Variants in SRGAP2B observed in about 807,000 individuals in gnomAD.
SRGAP2B encodes SLIT-ROBO Rho GTPase-activating protein 2B.
A neutral mutation model predicts 22.2 loss-of-function variants in SRGAP2B; 9 were observed. The ratio of observed to expected loss-of-function variants is 0.41; its 90% confidence interval spans 0.24 to 0.71. SRGAP2B has a LOEUF of 0.71. SRGAP2B is among the 30% of genes least tolerant of loss of function. The pLI is 0.35. For missense variants in SRGAP2B, 114 were observed against 235.8 expected (o/e 0.48, Z 3.38); for synonymous variants, 36 against 87.4 (o/e 0.41, Z 3.28).
At chr1:144,985,871 AAAG>A (rs1322717190) in intron 3 of SRGAP2B, among the ~76,000 whole-genome samples, 3 of 148,896 alleles carry the variant, frequency 2.0e-5, no homozygotes, top group Non-Finnish European at 3.0e-5. Context: ...GGGGAAGGAG[AAAG>A]AAGGAGAGGG....
chr1:145,006,215 A>G (rs1207135993), intron 2 of SRGAP2B, among the ~76,000 whole-genome samples: 2 of 151,024 alleles, frequency 1.3e-5, no homozygotes, highest in East Asian at 1.9e-4. Context: ...GGAGGCTTCA[A>G]GAATCAAACT....
intron 5 of SRGAP2B, among the ~76,000 whole-genome samples, chr1:144,909,516 G>A (rs1355368902): frequency 6.9e-6 from 1 of 145,010 alleles, no homozygotes; most frequent in Admixed American, 6.8e-5. Context: ...GAACCTGGGA[G>A]GTGGAGCTTG....
intron 5 of SRGAP2B, among the ~76,000 whole-genome samples, chr1:144,910,198 A>G (rs1488684671): frequency 1.4e-5 from 2 of 148,128 alleles, no homozygotes; most frequent in Non-Finnish European, 3.0e-5. Flanking sequence ...AGAGAACAAG[A>G]AAAGAGTTCT....
intron 5 of SRGAP2B, among the ~76,000 whole-genome samples, chr1:144,909,235 G>T (rs1207421702): frequency 6.7e-6 from 1 of 148,796 alleles, no homozygotes; most frequent in Admixed American, 6.7e-5. Context: ...GAAGCCCGAA[G>T]AGAAATAAGT....
At chr1:144,995,236 A>C (rs6600696) in intron 2 of SRGAP2B, 36 bp from the exon 3 acceptor site, 2 of 598,950 alleles carry the variant, frequency 3.3e-6, no homozygotes, top group African/African-American at 5.5e-5. Flanking sequence ...TCAGAAAGAC[A>C]GCCCTAAATA....
At chr1:144,888,793 G>A (rs1275112935) in exon 10 of SRGAP2B, 1 of 81,010 alleles carries the variant, frequency 1.2e-5, no homozygotes, top group African/African-American at 6.1e-5. Context: ...GCGCCACCAC[G>A]CCCAGCTAAT....
At chr1:145,075,783 T>C (rs1231752471) in intron 2 of SRGAP2B, among the ~76,000 whole-genome samples, 3 of 147,624 alleles carry the variant, frequency 2.0e-5, no homozygotes, top group South Asian at 4.3e-4. Context: ...TGTCTCTAGA[T>C]TGCAATTTAA....
rs1325483674 is a variant in SRGAP2B, at chr1:144,957,254, G to A, written c.261-1653C>T. Among the ~76,000 whole-genome samples the A allele has an allele frequency of 8.0e-5, 12 of 150,650 alleles. 1 individual carries two copies. Among genetic ancestry groups the A allele is most frequent in the Admixed American group, 4.0e-4 (6 of 15,154 alleles). On this transcript the variant is annotated intron_variant, in intron 3 of 9. Coordinates refer to ENST00000612199, the Ensembl canonical transcript of SRGAP2B. ...GCCTCCATTCAGCACTAAAGACCAG[G>A]CACTTGTGATTTGTAAACCATGAAG...
chr1:144,992,250 C>T lies in SRGAP2B; in HGVS notation c.260+2758G>A, dbSNP rs1393832655. On this transcript the variant is annotated intron_variant, in intron 3 of 9. Transcript: ENST00000612199. Reference sequence around the variant, plus strand: ...GAAGGGACAGACTCCAGACACACCACCTTAAGAGCTGTAACACTCACCGCG... The same window carrying T: ...GAAGGGACAGACTCCAGACACACCATCTTAAGAGCTGTAACACTCACCGCG... Among the ~76,000 whole-genome samples, 30 of 150,866 alleles carry T rather than the reference C, an allele frequency of 2.0e-4. 4 individuals are homozygous for T. Among genetic ancestry groups the T allele is most frequent in the African/African-American group, 6.7e-4 (27 of 40,330 alleles).
intron 5 of SRGAP2B, 129 bp from the exon 6 acceptor site, chr1:144,906,203 ATCC>A (rs1662982401): frequency 1.7e-6 from 1 of 597,386 alleles, no homozygotes; most frequent in East Asian, 2.8e-5. Context: ...TAAGGGAAAA[ATCC>A]AGAAGTGTTT....
chr1:144,955,178 A>G (rs1316551836), intron 4 of SRGAP2B, among the ~76,000 whole-genome samples: 20 of 150,536 alleles, frequency 1.3e-4, no homozygotes, highest in Non-Finnish European at 2.6e-4. Flanking sequence ...TTTCTCCACA[A>G]GTATGTGGTA....
chr1:144,905,023 G>A (rs1455326445), intron 7 of SRGAP2B, 68 bp downstream of exon 7: 44 of 710,772 alleles, frequency 6.2e-5, no homozygotes, highest in Admixed American at 4.3e-4. Context: ...ATAGTATCAG[G>A]GAATGTCTGA....
Position 144,920,383 on chromosome 1 carries a change from C to T in SRGAP2B, c.424-5629G>A, listed in dbSNP as rs1553348189. On this transcript the variant is annotated intron_variant, in intron 4 of 9. Coordinates refer to ENST00000612199, the Ensembl canonical transcript of SRGAP2B. Reference sequence around the variant, plus strand: ...TGGGCTCAACTGTCACGTGATCCTCCTCCCTCAGCTTCCCATGTAGCTGGG... The same window carrying T: ...TGGGCTCAACTGTCACGTGATCCTCTTCCCTCAGCTTCCCATGTAGCTGGG... 2.0e-5 allele frequency among the ~76,000 whole-genome samples: 3 copies of T among 150,484 alleles called. 1 individual carries two copies. The highest frequency in any genetic ancestry group is 7.5e-5 in the African/African-American group (3 of 40,054).
chr1:145,031,778 C>T (rs1250127643), intron 2 of SRGAP2B, among the ~76,000 whole-genome samples: 5 of 139,810 alleles, frequency 3.6e-5, no homozygotes, highest in East Asian at 2.0e-4. Context: ...ACCCGGGAGG[C>T]GGAGCTTGCA....
chr1:145,044,603 G>A (rs1284263231), intron 2 of SRGAP2B, among the ~76,000 whole-genome samples: 5 of 117,840 alleles, frequency 4.2e-5, no homozygotes, highest in African/African-American at 1.7e-4. Context: ...AGTACATGGA[G>A]GTTCATTATA....
At chr1:144,925,726 G>GAAAAGA (rs1664640050) in intron 4 of SRGAP2B, among the ~76,000 whole-genome samples, 1 of 79,140 alleles carries the variant, frequency 1.3e-5, no homozygotes, top group Non-Finnish European at 2.6e-5. Context: ...GAGAGAGAAA[G>GAAAAGA]AAAAGAAAGA....
At chr1:145,021,674 T>C (rs1672806375) in intron 2 of SRGAP2B, among the ~76,000 whole-genome samples, 1 of 147,338 alleles carries the variant, frequency 6.8e-6, no homozygotes, top group Non-Finnish European at 1.5e-5. Flanking sequence ...ATTAGCCGGG[T>C]GTGGTGGCAC....
At chr1:144,939,738 T>C (rs1665887817) in intron 4 of SRGAP2B, among the ~76,000 whole-genome samples, 1 of 149,172 alleles carries the variant, frequency 6.7e-6, no homozygotes, top group Non-Finnish European at 1.5e-5. Context: ...TATGTGGTTT[T>C]CCTTGCCTGA....
At chr1:144,894,074 T>G (rs1662251855) in intron 8 of SRGAP2B, among the ~76,000 whole-genome samples, 1 of 143,088 alleles carries the variant, frequency 7.0e-6, no homozygotes, top group Non-Finnish European at 1.5e-5. Context: ...TGAAGGAGCT[T>G]GGCATTTTCC....
Sources: gnomAD v4.1 joint callset for allele counts (sites outside exome capture counted in the v4.1 genomes callset) on GRCh38, gnomAD v4.1.1 for gene constraint, MANE v1.5 for transcripts, NCBI Gene and HGNC (gene_info 2026-07-23, HGNC 2026-07-21) for gene names.